The following AK5 variants were observed in gnomAD, a reference collection of about 807,000 sequenced individuals.
AK5 encodes adenylate kinase 5, also known as adenylate kinase isoenzyme 5.
In AK5, 27 loss-of-function variants were observed where a neutral mutation model predicts 69.5. The ratio of observed to expected loss-of-function variants is 0.39; its 90% CI spans 0.29 to 0.54. The LOEUF (loss-of-function observed/expected upper bound fraction) is 0.54. Ranked by LOEUF, AK5 falls within the 20% of genes least tolerant of loss-of-function variation. The pLI is 0.71. For missense variants in AK5, 531 were observed against 700.4 expected (o/e 0.76, Z 2.73); for synonymous variants, 260 against 244.4 (o/e 1.06, Z -0.60).
At chr1:77,372,227 C>T (rs926709466) in intron 6 of AK5, among the ~76,000 whole-genome samples, 1 of 151,972 alleles carries the variant, frequency 6.6e-6, no homozygotes, top group Non-Finnish European at 1.5e-5. Flanking sequence ...TAGAAAAGTG[C>T]TTAATGAAAA....
rs146163792 is a variant in AK5 at position 77,391,525 on chromosome 1, A to ATATATATATG, written c.892-19453_892-19452insATATATGTAT. Among the ~76,000 whole-genome samples, 125 of 121,694 alleles carry ATATATATATG rather than the reference A, an allele frequency of 1.0e-3. 1 individual carries two copies. Among genetic ancestry groups the ATATATATATG allele is most frequent in the Non-Finnish European group, 1.7e-3 (96 of 57,962 alleles). 79.8% of individuals were successfully genotyped at this position (121,694 alleles called of 152,430 possible). On this transcript the variant is annotated intron_variant, in intron 6 of 13. Coordinates refer to ENST00000354567, the MANE Select transcript of AK5 (RefSeq NM_174858.3). ...TATATATATATATATATATATATATATATCTCCTCAGGCTGTTGTTGCAGT... is the reference window on the plus strand; with the variant it reads ...TATATATATATATATATATATATATATATATATATGTATCTCCTCAGGCTGTTGTTGCAGT...
rs145823239 is a variant in AK5 at position 77,417,660 on chromosome 1, C to T, written c.1004C>T (p.Ser335Leu). 5.9e-5 allele frequency: 95 copies of T among 1,608,764 alleles called. No individual in the cohort carries two copies. The highest frequency in any genetic ancestry group is 4.5e-4 in the African/African-American group (34 of 74,848). The change falls in exon 8 of 14, where the codon TCG becomes TTG. Residue 335 changes from serine (S) to leucine (L), a missense_variant. Transcript: ENST00000354567. ...AAAGSSDLDP[S>L]MILDTGEIID... is the part of the protein sequence containing the mutation. ...TTAGGTTCAAGTGACCTTGATCCTT[C>T]GATGATATTGGACACTGGAGAGATC...
At chr1:77,371,286 G>A (rs1647117728) in intron 6 of AK5, 1 of 152,252 alleles carries the variant, frequency 6.6e-6, no homozygotes, top group African/African-American at 2.4e-5. Flanking sequence ...TAAAGGAGCA[G>A]TCCCACGCTG....
At chr1:77,358,018 T>TGTGTGTGTGTGTGTGTGTGTGTGTGAGA (rs762714026) in intron 6 of AK5, among the ~76,000 whole-genome samples, 13 of 128,178 alleles carry the variant, frequency 1.0e-4, no homozygotes, top group Non-Finnish European at 1.5e-4. Context: ...TGTGTGTGTG[T>TGTGTGTGTGTGTGTGTGTGTGTGTGAGA]GAGAGAGAGA....
chr1:77,409,571 A>G (rs1649897530), intron 6 of AK5, among the ~76,000 whole-genome samples: 1 of 151,970 alleles, frequency 6.6e-6, no homozygotes, highest in African/African-American at 2.4e-5. Flanking sequence ...CCTTTGCCCA[A>G]TTTTTAATGG....
At chr1:77,486,660 T>G (rs1367699309) in intron 10 of AK5, among the ~76,000 whole-genome samples, 1 of 149,886 alleles carries the variant, frequency 6.7e-6, no homozygotes, top group Non-Finnish European at 1.5e-5. Flanking sequence ...ATCGCGCCAC[T>G]GCACTCCACC....
chr1:77,525,823 C>T (rs4949657), intron 12 of AK5, among the ~76,000 whole-genome samples: 94,203 of 152,100 alleles, frequency 0.62, 31,810 homozygotes, highest in Non-Finnish European at 0.75. Context: ...GTCTTTATGC[C>T]TGTACCACAT....
intron 6 of AK5, among the ~76,000 whole-genome samples, chr1:77,400,851 T>C (rs1649165124): frequency 6.6e-6 from 1 of 151,740 alleles, no homozygotes; most frequent in African/African-American, 2.4e-5. Flanking sequence ...CCTTCAAGTG[T>C]TCTGTACTCA....
intron 1 of AK5, chr1:77,283,718 A>C (rs1658193475): frequency 3.1e-6 from 2 of 638,538 alleles, no homozygotes; most frequent in Non-Finnish European, 1.9e-6. Context: ...ACAGGTCTTG[A>C]GAATATGTGG....
At chr1:77,509,382 G>T (rs138120542) in intron 10 of AK5, among the ~76,000 whole-genome samples, 1 of 152,050 alleles carries the variant, frequency 6.6e-6, no homozygotes, top group Non-Finnish European at 1.5e-5. Flanking sequence ...AATTGTTTTC[G>T]GTCCAAGAGT....
chr1:77,493,686 A>T (rs1196895343), intron 10 of AK5, among the ~76,000 whole-genome samples: 1 of 152,162 alleles, frequency 6.6e-6, no homozygotes, highest in East Asian at 1.9e-4. Flanking sequence ...GAAGGGATGC[A>T]GACACAAGGG....
chr1:77,414,616 T>C (rs1054277644), intron 7 of AK5, among the ~76,000 whole-genome samples: 2 of 152,240 alleles, frequency 1.3e-5, no homozygotes, highest in African/African-American at 4.8e-5. Flanking sequence ...GGGTGCTTCC[T>C]CTAGGGTTCT....
At chr1:77,530,262 C>G (rs143578666) in intron 12 of AK5, among the ~76,000 whole-genome samples, 1 of 152,102 alleles carries the variant, frequency 6.6e-6, no homozygotes, top group Non-Finnish European at 1.5e-5. Context: ...CTTAGAGCTG[C>G]GTAATGGTGT....
rs558167384 is a variant in AK5 at position 77,538,503 on chromosome 1, A to G, written c.1620+2465A>G. On this transcript the variant is annotated intron_variant, in intron 13 of 13. Transcript: ENST00000354567. ...GCCTGGAACATTAAAAAAAAAAAAA[A>G]TCCTGGTGTGGTGGCGCGTGCCTGT... is the stretch of plus-strand genomic sequence containing the variant. Among the ~76,000 whole-genome samples the G allele has an allele frequency of 3.2e-3, 487 of 151,628 alleles. 3 individuals are homozygous for G. Among genetic ancestry groups the G allele is most frequent in the Admixed American group, 4.6e-3 (70 of 15,230 alleles).
intron 11 of AK5, among the ~76,000 whole-genome samples, chr1:77,519,380 G>A (rs1056260611): frequency 1.3e-5 from 2 of 152,134 alleles, no homozygotes; most frequent in African/African-American, 4.8e-5. Context: ...CCTCATGAAA[G>A]GAAAACAGAC....
intron 8 of AK5, among the ~76,000 whole-genome samples, chr1:77,435,716 T>C (rs1415662589): frequency 6.6e-6 from 1 of 152,020 alleles, no homozygotes; most frequent in Non-Finnish European, 1.5e-5. Context: ...TCAAAGACTT[T>C]CACAAATTTT....
chr1:77,326,630 A>G (rs1402652848), intron 5 of AK5, among the ~76,000 whole-genome samples: 8 of 152,116 alleles, frequency 5.3e-5, no homozygotes, highest in Non-Finnish European at 1.0e-4. Flanking sequence ...TATACTCTGG[A>G]GTTTTATTTT....
chr1:77,477,002 T>TTGTG (rs1639952169), intron 8 of AK5, among the ~76,000 whole-genome samples: 2 of 65,748 alleles, frequency 3.0e-5, no homozygotes, highest in Non-Finnish European at 6.3e-5. Flanking sequence ...TTGTTCTTTT[T>TTGTG]AGTGTGTGTG....
intron 13 of AK5, among the ~76,000 whole-genome samples, chr1:77,545,700 C>T (rs966080160): frequency 1.3e-5 from 2 of 152,160 alleles, no homozygotes; most frequent in Non-Finnish European, 2.9e-5. Context: ...TTTGGAATTT[C>T]CCAGCTCCTT....
Sources: gnomAD v4.1 joint callset for allele counts (sites outside exome capture counted in the v4.1 genomes callset) on GRCh38, gnomAD v4.1.1 for gene constraint, MANE v1.5 for transcripts, NCBI Gene and HGNC (gene_info 2026-07-23, HGNC 2026-07-21) for gene names.